ROR2: variants seen among roughly 807,000 people sequenced by gnomAD.
ROR2 encodes ROR family WNT receptor 2.
Under a neutral mutation model 74.9 loss-of-function variants are expected in ROR2, and 33 were observed. The observed-to-expected ratio is 0.44, with a 90% CI of 0.33 to 0.59. The LOEUF (loss-of-function observed/expected upper bound fraction) is 0.59, where lower values mean the gene tolerates loss of function less well. ROR2 is among the 20% of genes least tolerant of loss of function. The probability of loss-of-function intolerance (pLI) is 0.02; values close to 1 mark genes in which losing one functional copy is unlikely to be tolerated. For synonymous variants in ROR2, 586 were observed against 558.7 expected (o/e 1.05, Z -0.69); for missense variants, 1,216 against 1,313.8 (o/e 0.93, Z 1.15).
At chr9:91,871,811 G>A (rs547493132) in intron 1 of ROR2, among the ~76,000 whole-genome samples, 1 of 152,256 alleles carries the variant, frequency 6.6e-6, no homozygotes, top group East Asian at 1.9e-4. Flanking sequence ...CACCTGGAGA[G>A]GCCACGTATG....
chr9:91,855,898 C>T (rs1453057744), intron 1 of ROR2, among the ~76,000 whole-genome samples: 3 of 151,994 alleles, frequency 2.0e-5, no homozygotes, highest in Admixed American at 2.0e-4. Context: ...GGGGCCGCAC[C>T]ACCAGAATGA....
intron 2 of ROR2, among the ~76,000 whole-genome samples, chr9:91,759,497 T>C (rs1293956344): frequency 6.6e-6 from 1 of 152,190 alleles, no homozygotes; most frequent in African/African-American, 2.4e-5. Flanking sequence ...AGGGTAAAGT[T>C]CTGTATGTAT....
intron 1 of ROR2, among the ~76,000 whole-genome samples, chr9:91,846,124 C>T (rs36034285): frequency 0.037 from 5,664 of 152,278 alleles, 158 homozygotes; most frequent in East Asian, 0.098. Context: ...GCCTGCTGTT[C>T]TCTCTCTGGA....
intron 1 of ROR2, among the ~76,000 whole-genome samples, chr9:91,876,494 A>T (rs550182610): frequency 6.6e-6 from 1 of 152,212 alleles, no homozygotes; most frequent in African/African-American, 2.4e-5. Context: ...CCATCCACGC[A>T]TGCAAACTCT....
At chr9:91,914,994 T>A (rs1244770653) in intron 1 of ROR2, among the ~76,000 whole-genome samples, 2 of 152,194 alleles carry the variant, frequency 1.3e-5, no homozygotes, top group Non-Finnish European at 2.9e-5. Context: ...ATCCCTCTGA[T>A]GTAGTATCTG....
chr9:91,743,741 A>G (rs1825320109), intron 4 of ROR2, among the ~76,000 whole-genome samples: 1 of 152,196 alleles, frequency 6.6e-6, no homozygotes, highest in Non-Finnish European at 1.5e-5. Context: ...AATACTAAAG[A>G]GGCCCATGGA....
chr9:91,844,056 C>G (rs536484097), intron 1 of ROR2, among the ~76,000 whole-genome samples: 12 of 152,186 alleles, frequency 7.9e-5, no homozygotes, highest in African/African-American at 2.9e-4. Context: ...TGCAGCGGGG[C>G]GGATGAAGGG....
intron 1 of ROR2, among the ~76,000 whole-genome samples, chr9:91,884,762 C>T (rs1830224371): frequency 6.6e-6 from 1 of 151,756 alleles, no homozygotes. Flanking sequence ...TCCAGTTTGG[C>T]AAAATTTTTT....
At chr9:91,941,099 A>G (rs1246800172) in intron 1 of ROR2, among the ~76,000 whole-genome samples, 1 of 141,404 alleles carries the variant, frequency 7.1e-6, no homozygotes, top group Non-Finnish European at 1.5e-5. Flanking sequence ...CTGGGTTCAC[A>G]CCATTCTCCT....
At chr9:91,780,830 G>A (rs183901218) in intron 1 of ROR2, among the ~76,000 whole-genome samples, 2 of 152,272 alleles carry the variant, frequency 1.3e-5, no homozygotes, top group Non-Finnish European at 1.5e-5. Flanking sequence ...TAGCAAGCAC[G>A]TCTGTTCTGA....
At chr9:91,919,890 G>A (rs16907974) in intron 1 of ROR2, among the ~76,000 whole-genome samples, 2,410 of 152,182 alleles carry the variant, frequency 0.016, 68 homozygotes, top group African/African-American at 0.056. Flanking sequence ...ACCAACAACC[G>A]GTACCAGCAT....
chr9:91,874,664 G>A (rs1007000726), intron 1 of ROR2, among the ~76,000 whole-genome samples: 5 of 152,132 alleles, frequency 3.3e-5, no homozygotes, highest in African/African-American at 4.8e-5. Context: ...TGGGCCGGGC[G>A]TGGTGGCTCA....
intron 1 of ROR2, among the ~76,000 whole-genome samples, chr9:91,792,476 T>C (rs1253236228): frequency 7.2e-5 from 11 of 152,148 alleles, no homozygotes; most frequent in Admixed American, 2.0e-4. Flanking sequence ...GCCCAGCTAA[T>C]TTTTTGTACT....
chr9:91,900,319 C>T (rs1830640351), intron 1 of ROR2, among the ~76,000 whole-genome samples: 1 of 152,144 alleles, frequency 6.6e-6, no homozygotes, highest in Non-Finnish European at 1.5e-5. Flanking sequence ...AGACGGCAGA[C>T]GCAAGTCCTC....
At chr9:91,840,091 T>A (rs550514372) in intron 1 of ROR2, among the ~76,000 whole-genome samples, 1 of 152,068 alleles carries the variant, frequency 6.6e-6, no homozygotes, top group Non-Finnish European at 1.5e-5. Context: ...GCCCACTTCA[T>A]CTGGCAGAGC....
At chr9:91,810,069 G>T (rs1310764735) in intron 1 of ROR2, among the ~76,000 whole-genome samples, 1 of 152,224 alleles carries the variant, frequency 6.6e-6, no homozygotes, top group East Asian at 1.9e-4. Flanking sequence ...CCCTTCAGAT[G>T]CCCCAGGGCA....
chr9:91,941,198 C>T (rs534721698), intron 1 of ROR2, among the ~76,000 whole-genome samples: 3 of 151,540 alleles, frequency 2.0e-5, no homozygotes, highest in South Asian at 2.1e-4. Flanking sequence ...GGGGTTTCAC[C>T]GTGTTAGCCA....
Position 91,763,637 on chromosome 9 carries a change from G to A in ROR2, c.176-6078C>T, listed in dbSNP as rs1417011579. Among the ~76,000 whole-genome samples the A allele has an allele frequency of 2.6e-5, 4 of 152,102 alleles. No homozygotes were observed. In the East Asian group the frequency reaches 5.8e-4, roughly 22 times the overall value. On this transcript the variant is annotated intron_variant, in intron 2 of 8. Coordinates refer to ENST00000375708, the MANE Select transcript of ROR2 (RefSeq NM_004560.4). ...AACTGCCTGTTCATCTCTCTATTCT[G>A]ATGCTTTTTCCAACTTCTGTAGTTA...
chr9:91,918,246 C>T (rs11998758), intron 1 of ROR2, among the ~76,000 whole-genome samples: 3 of 92,094 alleles, frequency 3.3e-5, no homozygotes, highest in East Asian at 3.1e-4. Context: ...CCAGCCTGGG[C>T]GACAGGAGAC....
Sources: allele counts gnomAD v4.1 joint callset (sites outside exome capture counted in the v4.1 genomes callset), GRCh38; gene constraint gnomAD v4.1.1; transcripts MANE v1.5; gene names NCBI Gene and HGNC (gene_info 2026-07-23, HGNC 2026-07-21).